Variants in USP15 observed in about 807,000 individuals in gnomAD.
The protein encoded by USP15 is ubiquitin specific peptidase 15.
A neutral mutation model predicts 127.1 loss-of-function variants in USP15; 18 were observed. The ratio of observed to expected loss-of-function variants is 0.14; its 90% CI spans 0.10 to 0.21. USP15 has a LOEUF of 0.21. Ranked by LOEUF, USP15 falls within the 10% of genes least tolerant of loss-of-function variation. The pLI is 1.00. For missense variants in USP15, 805 were observed against 1,159.9 expected, an observed-to-expected ratio of 0.69 and a Z score of 4.44; for synonymous variants, 364 against 393.7, an observed-to-expected ratio of 0.92 and a Z score of 0.89.
rs2068030874 is a variant in USP15, at chr12:62,411,143, T to C, written c.*6768T>C. ...ATGCAGAAATAAGGGAAAAGGACCC[T>C]AGAGATCCTTGAGGAATCCCACTTT... is the stretch of plus-strand genomic sequence containing the variant. On this transcript the variant is annotated 3_prime_UTR_variant, in exon 22 of 22. Transcript: ENST00000280377. 6.6e-6 allele frequency: 1 copy of C among 152,206 alleles called. No homozygotes were observed. Among genetic ancestry groups the C allele is most frequent in the Non-Finnish European group, 1.5e-5 (1 of 68,036 alleles). 9.4% of individuals were successfully genotyped at this position (152,206 alleles called of 1,614,324 possible).
chr12:62,347,870 T>C (rs2065865516), intron 6 of USP15, among the ~76,000 whole-genome samples: 1 of 152,134 alleles, frequency 6.6e-6, no homozygotes, highest in Non-Finnish European at 1.5e-5. Context: ...AAAGAAAACA[T>C]TTTTTTCTAA....
chr12:62,376,114 A>C (rs2066820689), intron 8 of USP15, among the ~76,000 whole-genome samples: 1 of 152,314 alleles, frequency 6.6e-6, no homozygotes, highest in African/African-American at 2.4e-5. Context: ...AGTCTACCAT[A>C]TACTAAATAT....
At chr12:62,285,041 A>G (rs2063750998) in intron 1 of USP15, among the ~76,000 whole-genome samples, 1 of 152,080 alleles carries the variant, frequency 6.6e-6, no homozygotes, top group Non-Finnish European at 1.5e-5. Context: ...CAGAGATAGT[A>G]TTGTTGTTAT....
intron 8 of USP15, among the ~76,000 whole-genome samples, chr12:62,359,858 G>A (rs1042603314): frequency 1.3e-5 from 2 of 152,078 alleles, no homozygotes; most frequent in African/African-American, 2.4e-5. Flanking sequence ...CCTAGCCCCT[G>A]CCTCCTGAGT....
chr12:62,388,891 A>T lies in USP15; in HGVS notation c.1474-540A>T, dbSNP rs1592717330. ...AGTCCTGTAATCCCAGCATTTTGGGAGACTGAGGCAGAAGGTCACTTGAAT... is the reference window on the plus strand; with the variant it reads ...AGTCCTGTAATCCCAGCATTTTGGGTGACTGAGGCAGAAGGTCACTTGAAT... On this transcript the variant is annotated intron_variant, in intron 11 of 21. Coordinates refer to ENST00000280377, the MANE Select transcript of USP15 (RefSeq NM_001252078.2). 4.6e-5 allele frequency among the ~76,000 whole-genome samples: 7 copies of T among 152,244 alleles called. 3 individuals carry two copies. Among genetic ancestry groups the T allele is most frequent in the Admixed American group, 4.6e-4 (7 of 15,288 alleles).
intron 4 of USP15, 22 bp from the exon 5 acceptor site, chr12:62,321,442 T>C: frequency 6.9e-7 from 1 of 1,457,538 alleles, no homozygotes; most frequent in East Asian, 2.4e-5. Flanking sequence ...TATATTTATA[T>C]ATCTTTCCTC....
intron 3 of USP15, among the ~76,000 whole-genome samples, chr12:62,308,850 C>T (rs553051544): frequency 1.8e-4 from 28 of 152,002 alleles, no homozygotes; most frequent in Non-Finnish European, 3.5e-4. Flanking sequence ...CCTGATTATC[C>T]CCCAACTATC....
At chr12:62,392,432 T>TA in intron 18 of USP15, 45 bp downstream of exon 18, 5 of 1,410,082 alleles carry the variant, frequency 3.5e-6, no homozygotes, top group Non-Finnish European at 4.9e-6. Context: ...CTTTAAGGAT[T>TA]TATTCTGAGA....
At position 62,408,631 on chromosome 12, in the gene USP15, A is replaced by G. The variant is rs2067953667; in HGVS notation, c.*4256A>G. The G allele has an allele frequency of 6.6e-6, 1 of 152,162 alleles. No individual in the cohort carries two copies. Among genetic ancestry groups the G allele is most frequent in the South Asian group, 2.1e-4 (1 of 4,836 alleles). The allele number at this position is 152,162 out of a possible 1,614,324, so 9.4% of individuals were successfully genotyped here. A position where few individuals can be genotyped will look rare whatever the true frequency, so the allele number is the denominator to read the frequency against. On this transcript the variant is annotated 3_prime_UTR_variant, in exon 22 of 22. Transcript: ENST00000280377. ...TGGAAACAACCTCTCTTGAAAATAT[A>G]TTGGTATTCATTCCCAAATAATTCT...
At chr12:62,320,475 A>G (rs1186996004) in intron 4 of USP15, among the ~76,000 whole-genome samples, 6 of 152,214 alleles carry the variant, frequency 3.9e-5, no homozygotes, top group East Asian at 1.9e-4. Context: ...GTAGTTCTCT[A>G]TAGCAGTGTG....
chr12:62,396,177 T>G (rs113830515), intron 19 of USP15, 118 bp from the exon 20 acceptor site: 19,168 of 517,734 alleles, frequency 0.037, 454 homozygotes, highest in Middle Eastern at 0.065. Context: ...TAGATAGATA[T>G]ATATAGATGG....
intron 3 of USP15, among the ~76,000 whole-genome samples, chr12:62,310,880 G>T (rs957757875): frequency 6.6e-6 from 1 of 151,830 alleles, no homozygotes; most frequent in Admixed American, 6.6e-5. Context: ...CCGCATCTTC[G>T]CTAACATCTG....
intron 21 of USP15, 65 bp downstream of exon 21, chr12:62,401,340 A>G: frequency 7.9e-7 from 1 of 1,265,106 alleles, no homozygotes; most frequent in Non-Finnish European, 1.1e-6. Context: ...AATATAAATT[A>G]ATAAAAGGGG....
intron 1 of USP15, among the ~76,000 whole-genome samples, chr12:62,265,048 C>A (rs1438294147): frequency 6.6e-6 from 1 of 152,046 alleles, no homozygotes; most frequent in Non-Finnish European, 1.5e-5. Flanking sequence ...TTAATTTAAG[C>A]CTTTTTCGTA....
chr12:62,300,628 GA>G (rs1381551756), intron 2 of USP15, among the ~76,000 whole-genome samples: 5 of 152,226 alleles, frequency 3.3e-5, no homozygotes, highest in African/African-American at 1.2e-4. Flanking sequence ...TTCAGCTTTA[GA>G]AAAAGGTAAA....
chr12:62,358,953 C>G (rs1398865042), intron 8 of USP15, among the ~76,000 whole-genome samples: 2 of 151,990 alleles, frequency 1.3e-5, no homozygotes, highest in Non-Finnish European at 2.9e-5. Flanking sequence ...TGTGACCAAT[C>G]CCCTGTGGAT....
At chr12:62,299,763 C>T (rs2064250827) in intron 2 of USP15, among the ~76,000 whole-genome samples, 1 of 152,176 alleles carries the variant, frequency 6.6e-6, no homozygotes. Flanking sequence ...AAAGTCATTG[C>T]ATCCTTTTAC....
intron 8 of USP15, among the ~76,000 whole-genome samples, chr12:62,362,391 A>G (rs1565887026): frequency 6.6e-6 from 1 of 152,164 alleles, no homozygotes; most frequent in Non-Finnish European, 1.5e-5. Flanking sequence ...AGTAGCATTA[A>G]TGTTGTGCCA....
At chr12:62,354,594 T>G (rs1203445198) in intron 7 of USP15, among the ~76,000 whole-genome samples, 5 of 151,928 alleles carry the variant, frequency 3.3e-5, no homozygotes, top group Non-Finnish European at 5.9e-5. Context: ...TTCTAAAAAT[T>G]ATACTGATTT....
Sources: gnomAD v4.1 joint callset for allele counts (sites outside exome capture counted in the v4.1 genomes callset) on GRCh38, gnomAD v4.1.1 for gene constraint, MANE v1.5 for transcripts, NCBI Gene and HGNC (gene_info 2026-07-23, HGNC 2026-07-21) for gene names.